Variants in TWSG1 observed in about 807,000 individuals in gnomAD.
TWSG1 encodes the protein twisted gastrulation protein homolog 1.
TWSG1 carries 15 observed loss-of-function variants against 23.0 expected under a neutral mutation model. The observed-to-expected ratio is 0.65, with a 90% confidence interval of 0.44 to 1.00. The LOEUF is 1.00. Ranked by LOEUF, TWSG1 falls within the 50% of genes least tolerant of loss-of-function variation. The probability of loss-of-function intolerance (pLI) is 0.00; values close to 1 mark genes in which losing one functional copy is unlikely to be tolerated. For missense variants in TWSG1, 242 were observed against 278.7 expected, an observed-to-expected ratio of 0.87 and a Z score of 0.94; for synonymous variants, 86 against 92.8, an observed-to-expected ratio of 0.93 and a Z score of 0.42.
In TWSG1 at chr18:9,360,001, C is replaced by T; in HGVS notation, c.153C>T (p.Gly51=). The T allele has an allele frequency of 6.2e-7, 1 of 1,613,572 alleles. No homozygotes were observed. The highest frequency in any genetic ancestry group is 8.5e-7 in the Non-Finnish European group (1 of 1,179,642). Residue 51 remains glycine (G), a synonymous_variant, in exon 3 of 5, where the codon GGC becomes GGT. Coordinates refer to ENST00000262120, the MANE Select transcript of TWSG1 (RefSeq NM_020648.6). ...QELCQCRPGE[G]NCSCCKECML... Reference sequence around the variant, plus strand: ...TCTGCCAGTGCCGGCCGGGAGAAGGCAATTGCTCCTGCTGTAAGGAGTGCA... The same window carrying T: ...TCTGCCAGTGCCGGCCGGGAGAAGGTAATTGCTCCTGCTGTAAGGAGTGCA...
intron 3 of TWSG1, among the ~76,000 whole-genome samples, chr18:9,373,804 A>G (rs138262168): frequency 1.8e-4 from 28 of 152,372 alleles, no homozygotes. Context: ...TCACATTCTG[A>G]ACCATAAAAC....
In TWSG1 at chr18:9,402,142, A is replaced by C. The variant is rs1050272228; in HGVS notation, c.*2615A>C. Reference sequence around the variant, plus strand: ...GACATGTGATTTCTAAAATTCCAGAAAGCAAAATTGATAAGATGTTAGAAA... The same window carrying C: ...GACATGTGATTTCTAAAATTCCAGACAGCAAAATTGATAAGATGTTAGAAA... On this transcript the variant is annotated 3_prime_UTR_variant, in exon 5 of 5. Transcript: ENST00000262120. The C allele has an allele frequency of 2.0e-5, 3 of 152,198 alleles. No individual in the cohort carries two copies. Among genetic ancestry groups the C allele is most frequent in the African/African-American group, 7.2e-5 (3 of 41,464 alleles). 9.4% of individuals were successfully genotyped at this position (152,198 alleles called of 1,614,324 possible). A position where few individuals can be genotyped will look rare whatever the true frequency, so the allele number is the denominator to read the frequency against.
rs532214826 is a variant in TWSG1, at chr18:9,402,330, T to A, written c.*2803T>A. ...CATTCCCAAGAGTTTATGTTTATTGTATTTTATATGATCTACAACATATAA... is the reference window on the plus strand; with the variant it reads ...CATTCCCAAGAGTTTATGTTTATTGAATTTTATATGATCTACAACATATAA... On this transcript the variant is annotated 3_prime_UTR_variant, in exon 5 of 5. Transcript: ENST00000262120. 6.6e-6 allele frequency: 1 copy of A among 152,354 alleles called. No individual in the cohort carries two copies. The highest frequency in any genetic ancestry group is 2.1e-4 in the South Asian group (1 of 4,828). 9.4% of individuals were successfully genotyped at this position (152,354 alleles called of 1,614,324 possible). A position where few individuals can be genotyped will look rare whatever the true frequency, so the allele number is the denominator to read the frequency against.
chr18:9,386,504 T>C (rs2040685589), intron 3 of TWSG1, among the ~76,000 whole-genome samples: 1 of 149,236 alleles, frequency 6.7e-6, no homozygotes, highest in Admixed American at 6.7e-5. Context: ...CTGAAAATAT[T>C]ATTGGAGTGT....
intron 3 of TWSG1, among the ~76,000 whole-genome samples, chr18:9,366,640 G>A (rs1285304308): frequency 2.6e-5 from 4 of 152,084 alleles, no homozygotes; most frequent in African/African-American, 9.7e-5. Context: ...AGATCCGTTG[G>A]TTCCTGCATA....
At chr18:9,354,427 C>G (rs1184605797) in intron 2 of TWSG1, among the ~76,000 whole-genome samples, 1 of 152,176 alleles carries the variant, frequency 6.6e-6, no homozygotes, top group Non-Finnish European at 1.5e-5. Flanking sequence ...TTCCATTCAA[C>G]TGAGCAGAAC....
chr18:9,344,575 C>G (rs2040467358), intron 2 of TWSG1, among the ~76,000 whole-genome samples: 1 of 144,800 alleles, frequency 6.9e-6, no homozygotes, highest in East Asian at 2.0e-4. Flanking sequence ...GTCACCCAGG[C>G]TGGAGTGCAG....
intron 3 of TWSG1, among the ~76,000 whole-genome samples, chr18:9,375,204 TATCAC>T (rs2040624243): frequency 6.8e-6 from 1 of 146,924 alleles, no homozygotes; most frequent in African/African-American, 2.5e-5. Flanking sequence ...AATGTAATCT[TATCAC>T]ATCAACAAGT....
At chr18:9,372,485 G>T (rs1020324349) in intron 3 of TWSG1, among the ~76,000 whole-genome samples, 2 of 148,358 alleles carry the variant, frequency 1.3e-5, no homozygotes, top group African/African-American at 4.9e-5. Flanking sequence ...ATTGAAACTG[G>T]AAAGCAAAAC....
At position 9,396,397 on chromosome 18, in the gene TWSG1, T is replaced by A; in HGVS notation, c.341T>A (p.Leu114Ter). ...GCACTCACAGAAGGAGATACTCAGT[T>A]GAATTGGAACATCGTTTCTTTCCCT... ...FRALTEGDTQ[L>*]NWNIVSFPVA... Residue 114 changes from leucine to a stop codon, truncating the protein, a stop_gained, in exon 4 of 5, where the codon TTG (leucine) becomes TAG (stop). Transcript: ENST00000262120. LOFTEE classifies it high-confidence loss of function. 6.2e-7 allele frequency: 1 copy of A among 1,614,190 alleles called. No individual in the cohort carries two copies. Among genetic ancestry groups the A allele is most frequent in the Non-Finnish European group, 8.5e-7 (1 of 1,180,038 alleles).
intron 3 of TWSG1, among the ~76,000 whole-genome samples, chr18:9,363,621 A>AT (rs1383942987): frequency 2.0e-5 from 3 of 152,064 alleles, no homozygotes; most frequent in Non-Finnish European, 2.9e-5. Flanking sequence ...GCACATCTTT[A>AT]TTTTATTTTT....
At chr18:9,377,548 G>A (rs887399157) in intron 3 of TWSG1, among the ~76,000 whole-genome samples, 1 of 151,764 alleles carries the variant, frequency 6.6e-6, no homozygotes, top group African/African-American at 2.4e-5. Context: ...AAACGGTGCT[G>A]GAACAACTGG....
chr18:9,354,603 G>A (rs1370890910), intron 2 of TWSG1, among the ~76,000 whole-genome samples: 2 of 152,222 alleles, frequency 1.3e-5, no homozygotes, highest in East Asian at 3.8e-4. Context: ...AAATGAGAAA[G>A]TGGACAAGGT....
At chr18:9,371,901 G>T (rs1326018029) in intron 3 of TWSG1, among the ~76,000 whole-genome samples, 1 of 151,460 alleles carries the variant, frequency 6.6e-6, no homozygotes, top group Non-Finnish European at 1.5e-5. Context: ...GAGTAGCTGG[G>T]ACTACAGGCG....
At chr18:9,390,223 C>T (rs746284554) in intron 3 of TWSG1, among the ~76,000 whole-genome samples, 2 of 151,870 alleles carry the variant, frequency 1.3e-5, no homozygotes, top group African/African-American at 4.8e-5. Context: ...TGCAGTGGCG[C>T]GATCTCGGTT....
intron 3 of TWSG1, chr18:9,387,896 C>T (rs2040693326): frequency 6.6e-6 from 1 of 151,964 alleles, no homozygotes; most frequent in African/African-American, 2.4e-5. Flanking sequence ...TAACACCTAA[C>T]AAAATTAACA....
intron 3 of TWSG1, among the ~76,000 whole-genome samples, chr18:9,386,148 A>G (rs2040682761): frequency 6.7e-6 from 1 of 150,314 alleles, no homozygotes; most frequent in Admixed American, 6.6e-5. Context: ...TGAGCAACAC[A>G]GCGAGAATCT....
At chr18:9,345,793 G>T (rs1199685715) in intron 2 of TWSG1, among the ~76,000 whole-genome samples, 1 of 152,070 alleles carries the variant, frequency 6.6e-6, no homozygotes, top group Non-Finnish European at 1.5e-5. Flanking sequence ...AATAAAGCCA[G>T]CTGGGATCTT....
chr18:9,335,929 G>A (rs1260539083), intron 1 of TWSG1, among the ~76,000 whole-genome samples: 12 of 152,108 alleles, frequency 7.9e-5, no homozygotes, highest in Admixed American at 6.5e-4. Context: ...ATGTTTGATA[G>A]GGAGGTGTTT....
Sources: gnomAD v4.1 joint callset for allele counts (sites outside exome capture counted in the v4.1 genomes callset) on GRCh38, gnomAD v4.1.1 for gene constraint, MANE v1.5 for transcripts, NCBI Gene and HGNC (gene_info 2026-07-23, HGNC 2026-07-21) for gene names.